The following NAXD variants were observed in gnomAD, a reference collection of about 807,000 sequenced individuals.
The protein encoded by NAXD is NAD(P)HX dehydratase.
In NAXD, 22 loss-of-function variants were observed where a neutral mutation model predicts 35.8. That is an observed-to-expected ratio of 0.62 (90% CI 0.44 to 0.88). NAXD has a LOEUF of 0.88. NAXD is among the 40% of genes least tolerant of loss of function. The probability of loss-of-function intolerance (pLI) is 0.00; values close to 1 mark genes in which losing one functional copy is unlikely to be tolerated. For missense variants in NAXD, 428 were observed against 437.7 expected, an observed-to-expected ratio of 0.98 and a Z score of 0.20; for synonymous variants, 189 against 177.6, an observed-to-expected ratio of 1.06 and a Z score of -0.51.
chr13:110,631,502 G>C (rs1260886135), intron 5 of NAXD, among the ~76,000 whole-genome samples: 2 of 152,094 alleles, frequency 1.3e-5, no homozygotes, highest in Non-Finnish European at 2.9e-5. Context: ...TTCTGCGCTG[G>C]GTGCTCTGAT....
intron 8 of NAXD, among the ~76,000 whole-genome samples, chr13:110,635,808 G>A (rs1230544101): frequency 2.6e-5 from 4 of 152,250 alleles, no homozygotes; most frequent in Admixed American, 2.0e-4. Flanking sequence ...GCAGGCTTTC[G>A]AGCCGTGGGC....
chr13:110,626,401 A>G (rs1886484803), intron 4 of NAXD, among the ~76,000 whole-genome samples: 1 of 152,096 alleles, frequency 6.6e-6, no homozygotes, highest in Admixed American at 6.6e-5. Context: ...GGTGGGATGA[A>G]GATGAGGCGT....
intron 1 of NAXD, 65 bp from the exon 2 acceptor site, chr13:110,622,151 G>A (rs1381963550): frequency 1.5e-6 from 2 of 1,346,190 alleles, no homozygotes; most frequent in East Asian, 2.4e-5. Flanking sequence ...TTGGTTAATG[G>A]GCTATTATGT....
intron 4 of NAXD, 105 bp from the exon 5 acceptor site, chr13:110,627,334 T>C: frequency 1.4e-6 from 1 of 708,352 alleles, no homozygotes; most frequent in Non-Finnish European, 2.4e-6. Flanking sequence ...TAAAAGTCAT[T>C]ACTATTTATA....
intron 1 of NAXD, chr13:110,615,993 G>C (rs78623283): frequency 0.017 from 6,982 of 402,938 alleles, 435 homozygotes; most frequent in African/African-American, 0.13. Context: ...GCCGGAGCCA[G>C]TGCGCGTCCC....
Position 110,628,703 on chromosome 13 carries a change from G to A in NAXD, c.441+1156G>A, listed in dbSNP as rs1886590734. On this transcript the variant is annotated intron_variant, in intron 5 of 9. Coordinates refer to ENST00000680254, the MANE Select transcript of NAXD (RefSeq NM_001242882.2). The surrounding 1 kb of genome is among the most constrained non-coding windows in gnomAD (Gnocchi z 4.1). Reference sequence around the variant, plus strand: ...TTACCCGCTCACCGGGAAGGAGGAGGTGGCCATGTTTAGGAGCAGTAGAAC... The same window carrying A: ...TTACCCGCTCACCGGGAAGGAGGAGATGGCCATGTTTAGGAGCAGTAGAAC... Among the ~76,000 whole-genome samples, 1 of 152,010 alleles carries A rather than the reference G, an allele frequency of 6.6e-6. No individual in the cohort carries two copies. The highest frequency in any genetic ancestry group is 1.5e-5 in the Non-Finnish European group (1 of 68,016).
rs1886291069 is a variant in NAXD at position 110,622,159 on chromosome 13, T to TAA, written c.47-57_47-56insAA. ...GAGGGTTTTGGTTAATGGGCTATTA[T>TAA]GTGTACTAACAATATCTGTTTACCT... On this transcript the variant is annotated intron_variant, in intron 1 of 9. Coordinates refer to ENST00000680254, the MANE Select transcript of NAXD (RefSeq NM_001242882.2). 2.1e-6 allele frequency: 3 copies of TAA among 1,455,538 alleles called. No homozygotes were observed. The African/African-American group carries it at 4.2e-5, about 20-fold the overall frequency. The allele number at this position is 1,455,538 out of a possible 1,614,324, so 90.2% of individuals were successfully genotyped here.
In NAXD at chr13:110,634,757, G is replaced by A; in HGVS notation, c.578G>A (p.Ser193Asn). 1 of 1,613,770 alleles carries A rather than the reference G, an allele frequency of 6.2e-7. No individual in the cohort carries two copies. The highest frequency in any genetic ancestry group is 8.5e-7 in the Non-Finnish European group (1 of 1,179,828). ...AVLTPNHVEF[S>N]RLYDAVLRGP... ...CTCACTCCCAACCACGTGGAGTTCA[G>A]CAGACTGTATGACGCTGTGGTGAGT... Residue 193 changes from serine to asparagine, a missense_variant, in exon 7 of 10, where the codon AGC becomes AAC. By Grantham distance (46) the Ser-to-Asn change is conservative. Around this residue, in one of 3 missense-constraint regions of NAXD, gnomAD observed 209 missense variants for 214.6 expected, o/e 0.97. Transcript: ENST00000680254.
chr13:110,635,361 CCT>C lies in NAXD; in HGVS notation c.598-106_598-105del, dbSNP rs1467615679. On this transcript the variant is annotated intron_variant, in intron 7 of 9. Coordinates refer to ENST00000680254, the MANE Select transcript of NAXD (RefSeq NM_001242882.2). ...GCCTTTAACAGGTGCCTGGGTGATC[CCT>C]TTAGACACGAGAGCATGAGTCTCAT... 9 of 1,347,070 alleles carry C rather than the reference CCT, an allele frequency of 6.7e-6. No individual in the cohort carries two copies. The African/African-American group carries it at 1.3e-4, about 19-fold the overall frequency. 83.4% of individuals were successfully genotyped at this position (1,347,070 alleles called of 1,614,324 possible).
At position 110,627,540 on chromosome 13, in the gene NAXD, A is replaced by G; in HGVS notation, c.434A>G (p.Asn145Ser). 6.2e-7 allele frequency: 1 copy of G among 1,611,334 alleles called. No individual in the cohort carries two copies. The highest frequency in any genetic ancestry group is 1.1e-5 in the South Asian group (1 of 91,010). Reference protein sequence around the residue: ...GLGRDDALLRNVQGILEVSKA... With the variant: ...GLGRDDALLRSVQGILEVSKA... ...GGTAGAGATGATGCGCTTCTCAGAAATGTCCAGGTAATGTGTATACTCACT... is the reference window on the plus strand; with the variant it reads ...GGTAGAGATGATGCGCTTCTCAGAAGTGTCCAGGTAATGTGTATACTCACT... Residue 145 changes from asparagine to serine, a missense_variant, in exon 5 of 10, where the codon AAT (asparagine) becomes AGT (serine). This residue lies in a region of NAXD where 208 missense variants were observed against 193.0 expected (regional missense o/e 1.08). Transcript: ENST00000680254.
intron 5 of NAXD, among the ~76,000 whole-genome samples, chr13:110,633,322 G>C (rs951476376): frequency 6.6e-6 from 1 of 152,202 alleles, no homozygotes; most frequent in Non-Finnish European, 1.5e-5. Flanking sequence ...CGGCTGCTCC[G>C]AGTGCGGGGC....
In NAXD at chr13:110,635,908, C is replaced by T. The variant is rs565284297; in HGVS notation, c.718+320C>T. On this transcript the variant is annotated intron_variant, in intron 8 of 9. Transcript: ENST00000680254. ...AACAGCAGGGCACAGTGCAGGGTCC[C>T]GCGTCTCCAGCTGCCACCTTCATCT... is the stretch of plus-strand genomic sequence containing the variant. Among the ~76,000 whole-genome samples the T allele has an allele frequency of 2.0e-4, 30 of 152,358 alleles. No individual in the cohort carries two copies. In the South Asian group the frequency reaches 5.6e-3, roughly 28 times the overall value.
intron 2 of NAXD, among the ~76,000 whole-genome samples, chr13:110,623,615 G>C (rs1472678231): frequency 6.6e-6 from 1 of 152,240 alleles, no homozygotes; most frequent in Non-Finnish European, 1.5e-5. Flanking sequence ...CCTGCGGTCA[G>C]CTCCTTACCT....
chr13:110,636,960 C>T (rs950880946), intron 8 of NAXD, among the ~76,000 whole-genome samples, 169 bp from the exon 9 acceptor site: 1 of 152,266 alleles, frequency 6.6e-6, no homozygotes, highest in African/African-American at 2.4e-5. Flanking sequence ...CTGCCTCCAA[C>T]CCTTGGAACA....
At chr13:110,626,279 G>A (rs1311118596) in intron 4 of NAXD, among the ~76,000 whole-genome samples, 2 of 152,124 alleles carry the variant, frequency 1.3e-5, no homozygotes, top group Admixed American at 1.3e-4. Flanking sequence ...TGTTTGGAAA[G>A]TTTGGGGGTG....
intron 5 of NAXD, among the ~76,000 whole-genome samples, chr13:110,631,361 A>G (rs3825466): frequency 0.12 from 17,734 of 152,202 alleles, 1,426 homozygotes; most frequent in Admixed American, 0.26. Flanking sequence ...TCCTGAATCT[A>G]TGTGTTTTGT....
chr13:110,634,442 G>T, intron 5 of NAXD, 103 bp from the exon 6 acceptor site: 1 of 1,220,310 alleles, frequency 8.2e-7, no homozygotes, highest in South Asian at 1.2e-5. Flanking sequence ...CACCTCCCAG[G>T]ACCCTTCCCT....
chr13:110,619,028 C>G (rs330542), intron 1 of NAXD, among the ~76,000 whole-genome samples: 35,919 of 152,164 alleles, frequency 0.24, 5,515 homozygotes, highest in African/African-American at 0.44. Flanking sequence ...CCTGGGAGTG[C>G]TGGGCGACAC....
chr13:110,634,077 T>A (rs540248719), intron 5 of NAXD, among the ~76,000 whole-genome samples: 5 of 152,384 alleles, frequency 3.3e-5, no homozygotes, highest in African/African-American at 1.2e-4. Flanking sequence ...CTGCCTTGTT[T>A]ACGGGCTCTG....
Sources: allele counts gnomAD v4.1 joint callset (sites outside exome capture counted in the v4.1 genomes callset), GRCh38; gene constraint gnomAD v4.1.1; regional missense constraint gnomAD v4.1.1; non-coding constraint Gnocchi (gnomAD v3.1); transcripts MANE v1.5; gene names NCBI Gene and HGNC (gene_info 2026-07-23, HGNC 2026-07-21).